MAP4K3: variants seen among roughly 807,000 people sequenced by gnomAD.
MAP4K3 encodes the protein MAPK/ERK kinase kinase kinase 3.
MAP4K3 carries 94 observed loss-of-function variants against 143.5 expected under a neutral mutation model. The ratio of observed to expected loss-of-function variants is 0.65; its 90% confidence interval spans 0.55 to 0.78. The LOEUF (loss-of-function observed/expected upper bound fraction) is 0.78. MAP4K3 is among the 30% of genes least tolerant of loss of function. The pLI, the probability that MAP4K3 is intolerant of heterozygous loss-of-function variation, is 0.00. For missense variants in MAP4K3, 1,077 were observed against 1,068.1 expected (o/e 1.01, Z -0.12); for synonymous variants, 416 against 347.2 (o/e 1.20, Z -2.20).
chr2:39,359,206 C>A (rs1192091979), intron 2 of MAP4K3, among the ~76,000 whole-genome samples: 1 of 152,156 alleles, frequency 6.6e-6, no homozygotes, highest in Non-Finnish European at 1.5e-5. Context: ...GGACTACAGG[C>A]CCCTTGCAAG....
At chr2:39,327,510 A>G (rs1683534538) in intron 8 of MAP4K3, among the ~76,000 whole-genome samples, 1 of 152,208 alleles carries the variant, frequency 6.6e-6, no homozygotes, top group Non-Finnish European at 1.5e-5. Flanking sequence ...ATATTTTTAA[A>G]AGCAACTAAT....
intron 1 of MAP4K3, among the ~76,000 whole-genome samples, chr2:39,413,285 T>G (rs1354645858): frequency 6.6e-6 from 1 of 152,066 alleles, no homozygotes; most frequent in Non-Finnish European, 1.5e-5. Context: ...AAAACTATAG[T>G]CCTAAGTGGT....
chr2:39,362,972 G>T (rs979744181), intron 2 of MAP4K3, among the ~76,000 whole-genome samples: 2 of 152,174 alleles, frequency 1.3e-5, no homozygotes, highest in Non-Finnish European at 2.9e-5. Flanking sequence ...CAAAGGTGCT[G>T]GGAAAAACTG....
chr2:39,256,566 C>G (rs1021536998), intron 31 of MAP4K3, among the ~76,000 whole-genome samples: 1 of 152,118 alleles, frequency 6.6e-6, no homozygotes, highest in Non-Finnish European at 1.5e-5. Flanking sequence ...TTTTCTGATG[C>G]TGAACCATCC....
intron 27 of MAP4K3, among the ~76,000 whole-genome samples, 172 bp from the exon 28 acceptor site, chr2:39,265,478 C>A (rs896092348): frequency 3.3e-5 from 5 of 152,166 alleles, no homozygotes; most frequent in African/African-American, 1.2e-4. Context: ...AATACTGTTT[C>A]AGGTAATAGC....
intron 2 of MAP4K3, among the ~76,000 whole-genome samples, chr2:39,361,749 T>G (rs1340530013): frequency 1.3e-5 from 2 of 151,472 alleles, no homozygotes; most frequent in Non-Finnish European, 3.0e-5. Context: ...AATTATCATT[T>G]AAAACAGAAT....
At chr2:39,409,086 C>T (rs889084104) in intron 1 of MAP4K3, among the ~76,000 whole-genome samples, 1 of 152,210 alleles carries the variant, frequency 6.6e-6, no homozygotes, top group Non-Finnish European at 1.5e-5. Flanking sequence ...ACCAACCCTT[C>T]CTCTTCCTCC....
intron 1 of MAP4K3, among the ~76,000 whole-genome samples, chr2:39,389,269 T>C (rs1474078632): frequency 6.6e-6 from 1 of 151,964 alleles, no homozygotes; most frequent in Non-Finnish European, 1.5e-5. Flanking sequence ...ATGGCAGATC[T>C]GAAGCAGCAA....
intron 1 of MAP4K3, 90 bp downstream of exon 1, chr2:39,436,802 C>G: frequency 8.8e-7 from 1 of 1,134,592 alleles, no homozygotes; most frequent in Non-Finnish European, 1.3e-6. Context: ...GCCAGCGTCT[C>G]CCGAGGACAG....
chr2:39,277,785 C>T (rs1005221640), intron 24 of MAP4K3, among the ~76,000 whole-genome samples: 19 of 150,092 alleles, frequency 1.3e-4, no homozygotes, highest in Non-Finnish European at 2.4e-4. Context: ...AGGCTGGTCT[C>T]GAACTCCTGA....
intron 1 of MAP4K3, 26 bp downstream of exon 1, chr2:39,436,866 C>T (rs778321519): frequency 6.3e-7 from 1 of 1,576,432 alleles, no homozygotes; most frequent in Non-Finnish European, 8.6e-7. Flanking sequence ...CCCACGGCCT[C>T]GGCGGCGCGC....
chr2:39,322,907 T>C (rs1173122822), intron 12 of MAP4K3, among the ~76,000 whole-genome samples: 1 of 152,038 alleles, frequency 6.6e-6, no homozygotes, highest in Non-Finnish European at 1.5e-5. Flanking sequence ...TGACCTCAGG[T>C]GATCCACCTG....
rs143515175 is a variant in MAP4K3 at position 39,331,989 on chromosome 2, G to C, written c.458C>G (p.Ala153Gly). 7.3e-6 allele frequency: 11 copies of C among 1,503,844 alleles called. No individual in the cohort carries two copies. The highest frequency in any genetic ancestry group is 9.9e-6 in the Non-Finnish European group (11 of 1,111,012). 93.2% of individuals were successfully genotyped at this position (1,503,844 alleles called of 1,614,324 possible). ...TATCTGTGCAGATACTCCAAAATCA[G>C]CTATTAAAAAAAATGAGAAACATTT... ...LLTDNGHVKL[A>G]DFGVSAQITA... Residue 153 changes from alanine to glycine, a missense_variant and splice_region_variant, in exon 8 of 34, where the codon GCT becomes GGT. Ala to Gly is a moderately conservative substitution (Grantham distance 60). Coordinates refer to ENST00000263881, the MANE Select transcript of MAP4K3 (RefSeq NM_003618.4).
intron 30 of MAP4K3, 22 bp downstream of exon 30, chr2:39,258,497 A>G (rs750769888): frequency 1.2e-6 from 2 of 1,607,922 alleles, no homozygotes; most frequent in South Asian, 1.1e-5. Flanking sequence ...TTAAAGTAAG[A>G]CATTCATAAA....
Position 39,387,830 on chromosome 2 carries a change from T to C in MAP4K3, c.97-9707A>G, listed in dbSNP as rs537551763. Among the ~76,000 whole-genome samples, 7 of 152,342 alleles carry C rather than the reference T, an allele frequency of 4.6e-5. No homozygotes were observed. In the South Asian group the frequency reaches 1.2e-3, roughly 27 times the overall value. On this transcript the variant is annotated intron_variant, in intron 1 of 33. Coordinates refer to ENST00000263881, the MANE Select transcript of MAP4K3 (RefSeq NM_003618.4). ...TCTTAAGTTAACTTGAATGGCTCTT[T>C]GTTTCTTAAAACCAGATAATTAAAG... is the stretch of plus-strand genomic sequence containing the variant.
intron 12 of MAP4K3, among the ~76,000 whole-genome samples, chr2:39,324,773 A>G (rs903170142): frequency 2.0e-5 from 3 of 152,216 alleles, no homozygotes; most frequent in African/African-American, 4.8e-5. Flanking sequence ...GGTTGCCACA[A>G]CTATTAGCAG....
At chr2:39,281,882 A>G (rs1681546615) in intron 22 of MAP4K3, among the ~76,000 whole-genome samples, 1 of 151,682 alleles carries the variant, frequency 6.6e-6, no homozygotes. Context: ...CTCTGTGCTA[A>G]TTAAAAAGTA....
chr2:39,249,377 G>C lies in MAP4K3; in HGVS notation c.*1241C>G, dbSNP rs1206469262. ...AATGAAGATCATAAATCACAATTTA[G>C]TTTGTTCTTAGTGTATATACTCACA... is the stretch of plus-strand genomic sequence containing the variant. On this transcript the variant is annotated 3_prime_UTR_variant, in exon 34 of 34. Transcript: ENST00000263881. 5 of 152,544 alleles carry C rather than the reference G, an allele frequency of 3.3e-5. No homozygotes were observed. The highest frequency in any genetic ancestry group is 7.2e-5 in the African/African-American group (3 of 41,430). The allele number at this position is 152,544 out of a possible 1,614,324, so 9.4% of individuals were successfully genotyped here.
intron 1 of MAP4K3, among the ~76,000 whole-genome samples, chr2:39,436,459 C>T (rs1433638735): frequency 6.6e-6 from 1 of 152,118 alleles, no homozygotes. Flanking sequence ...GCCTGGTGGG[C>T]AGCAGCTCCC....
Sources: allele counts gnomAD v4.1 joint callset (sites outside exome capture counted in the v4.1 genomes callset), GRCh38; gene constraint gnomAD v4.1.1; transcripts MANE v1.5; gene names NCBI Gene and HGNC (gene_info 2026-07-23, HGNC 2026-07-21).